Variants in PIK3R3 observed in about 807,000 individuals in gnomAD.
PIK3R3 encodes the protein phosphatidylinositol 3-kinase regulatory subunit gamma.
A neutral mutation model predicts 62.9 loss-of-function variants in PIK3R3; 64 were observed. The observed-to-expected ratio is 1.02, with a 90% CI of 0.83 to 1.25. PIK3R3 has a LOEUF of 1.25. Among genes scored for constraint, PIK3R3 ranks in the 50% most tolerant of loss-of-function variants. The pLI, the probability that PIK3R3 is intolerant of heterozygous loss-of-function variation, is 0.00. For synonymous variants in PIK3R3, 165 were observed against 189.0 expected (o/e 0.87, Z 1.04); for missense variants, 614 against 561.6 (o/e 1.09, Z -0.94).
intron 1 of PIK3R3, among the ~76,000 whole-genome samples, chr1:46,096,185 C>A (rs1316549750): frequency 6.6e-6 from 1 of 152,190 alleles, no homozygotes; most frequent in Non-Finnish European, 1.5e-5. Context: ...GTATTTGTTT[C>A]TTAGCATTGT....
At chr1:46,074,344 T>G (rs1278372127) in intron 3 of PIK3R3, among the ~76,000 whole-genome samples, 4 of 150,382 alleles carry the variant, frequency 2.7e-5, no homozygotes, top group African/African-American at 7.3e-5. Flanking sequence ...GACTCAACTT[T>G]ATGTTCCTTC....
chr1:46,131,379 G>A lies in PIK3R3; in HGVS notation c.106+468C>T, dbSNP rs372039018. ...CATAACTCAGTTTCAGAAGTTAACC[G>A]GGGTAAAACACAACGAACCAAATTA... On this transcript the variant is annotated intron_variant, in intron 1 of 9. Transcript: ENST00000262741. Among the ~76,000 whole-genome samples, 53 of 152,206 alleles carry A rather than the reference G, an allele frequency of 3.5e-4. No individual in the cohort carries two copies. The East Asian group carries it at 4.6e-3, about 13-fold the overall frequency.
chr1:46,092,179 G>C (rs1438837754), intron 1 of PIK3R3, among the ~76,000 whole-genome samples: 1 of 152,144 alleles, frequency 6.6e-6, no homozygotes, highest in African/African-American at 2.4e-5. Flanking sequence ...TTTTTAATCA[G>C]CTGTATAACA....
At chr1:46,067,278 A>ATATATATATATATATATATAT (rs1557574769) in intron 3 of PIK3R3, among the ~76,000 whole-genome samples, 187 bp from the exon 4 acceptor site, 3 of 145,848 alleles carry the variant, frequency 2.1e-5, no homozygotes, top group Non-Finnish European at 3.0e-5. Context: ...ATATATATAT[A>ATATATATATATATATATATAT]ATTCATTTTG....
intron 3 of PIK3R3, among the ~76,000 whole-genome samples, chr1:46,070,510 A>G (rs994683176): frequency 1.3e-5 from 2 of 152,250 alleles, no homozygotes; most frequent in African/African-American, 4.8e-5. Context: ...TGAAATTGTC[A>G]TTTACGAAAC....
At chr1:46,133,039 C>G (rs936832342), upstream of PIK3R3, 30 of 1,022,302 alleles carry the variant, frequency 2.9e-5, no homozygotes, top group African/African-American at 3.7e-4. Context: ...GGCCGGTTGC[C>G]GGAGCCTGGA....
chr1:46,077,172 G>A (rs1432643540), intron 3 of PIK3R3, among the ~76,000 whole-genome samples: 1 of 152,138 alleles, frequency 6.6e-6, no homozygotes, highest in East Asian at 1.9e-4. Context: ...CATTAAGGAA[G>A]ATAATAGGGT....
intron 1 of PIK3R3, among the ~76,000 whole-genome samples, chr1:46,100,551 G>T (rs1036682923): frequency 2.4e-4 from 37 of 152,106 alleles, no homozygotes; most frequent in African/African-American, 8.4e-4. Context: ...TATAAATAAT[G>T]CTATGTGAAA....
At chr1:46,050,894 A>G (rs1647287803) in intron 7 of PIK3R3, among the ~76,000 whole-genome samples, 1 of 152,240 alleles carries the variant, frequency 6.6e-6, no homozygotes, top group Non-Finnish European at 1.5e-5. Flanking sequence ...AAATACTGAC[A>G]TACGCAGACA....
intron 1 of PIK3R3, among the ~76,000 whole-genome samples, chr1:46,096,248 A>G (rs962562624): frequency 1.3e-5 from 2 of 152,254 alleles, no homozygotes; most frequent in Non-Finnish European, 2.9e-5. Context: ...TATCCTTTTC[A>G]CACACTACTA....
chr1:46,173,932 A>G, the PIK3R3 span, among the ~76,000 whole-genome samples: 1 of 152,118 alleles, frequency 6.6e-6, no homozygotes, highest in Non-Finnish European at 1.5e-5. Flanking sequence ...CCGCAGGGGC[A>G]GGGAAGTCTG....
intron 1 of PIK3R3, among the ~76,000 whole-genome samples, chr1:46,085,227 A>G (rs1241439845): frequency 6.6e-6 from 1 of 152,228 alleles, no homozygotes; most frequent in African/African-American, 2.4e-5. Flanking sequence ...ACTGAATGCA[A>G]TACTGGCCTA....
rs1035473710 is a variant in PIK3R3 at position 46,041,562 on chromosome 1, C to T, written c.*2111G>A. 5.6e-6 allele frequency: 1 copy of T among 178,752 alleles called. No homozygotes were observed. Among genetic ancestry groups the T allele is most frequent in the Non-Finnish European group, 1.2e-5 (1 of 83,012 alleles). 11.1% of individuals were successfully genotyped at this position (178,752 alleles called of 1,614,324 possible). ...ATTTTGGTTTAAAAGACACTCAGAA[C>T]ACACTGAAATTTTAGTACCAGATGG... On this transcript the variant is annotated 3_prime_UTR_variant, in exon 10 of 10. Transcript: ENST00000262741.
At chr1:46,101,171 CAA>C (rs1171228788) in intron 1 of PIK3R3, among the ~76,000 whole-genome samples, 16 of 73,548 alleles carry the variant, frequency 2.2e-4, no homozygotes, top group Admixed American at 6.6e-4. Flanking sequence ...GACTCCGTCT[CAA>C]AAAAAAAAAA....
intron 1 of PIK3R3, among the ~76,000 whole-genome samples, chr1:46,089,183 T>C (rs1651371326): frequency 6.6e-6 from 1 of 152,116 alleles, no homozygotes; most frequent in African/African-American, 2.4e-5. Context: ...GGAAAATGGA[T>C]GCCAACACAA....
chr1:46,168,958 G>A, the PIK3R3 span, among the ~76,000 whole-genome samples: 4 of 152,102 alleles, frequency 2.6e-5, no homozygotes, highest in Non-Finnish European at 5.9e-5. Context: ...CCCCAGTTCA[G>A]CCCAGCTATC....
chr1:46,152,794 A>C, the PIK3R3 span, among the ~76,000 whole-genome samples: 122 of 151,814 alleles, frequency 8.0e-4, 4 homozygotes, highest in East Asian at 0.02. Flanking sequence ...CGATCTCCTG[A>C]CCTCGTGATC....
intron 1 of PIK3R3, among the ~76,000 whole-genome samples, chr1:46,117,860 G>A (rs1654323505): frequency 6.6e-6 from 1 of 152,226 alleles, no homozygotes; most frequent in African/African-American, 2.4e-5. Context: ...CCTGAGGCCA[G>A]GAGTTCAAGG....
chr1:46,114,771 A>ATTTTTTTTTTTTTTTTTTTTTTTT (rs60059325), intron 1 of PIK3R3, among the ~76,000 whole-genome samples: 1 of 99,302 alleles, frequency 1.0e-5, no homozygotes, highest in Non-Finnish European at 1.9e-5. Flanking sequence ...AGCCTCACTA[A>ATTTTTTTTTTTTTTTTTTTTTTTT]TTTTTTTTTT....
Sources: gnomAD v4.1 joint callset for allele counts (sites outside exome capture counted in the v4.1 genomes callset) on GRCh38, gnomAD v4.1.1 for gene constraint, MANE v1.5 for transcripts, NCBI Gene and HGNC (gene_info 2026-07-23, HGNC 2026-07-21) for gene names.